GRIK1: variants seen among roughly 807,000 people sequenced by gnomAD.
GRIK1 encodes glutamate ionotropic receptor kainate type subunit 1.
GRIK1 carries 69 observed loss-of-function variants against 105.7 expected under a neutral mutation model. The ratio of observed to expected loss-of-function variants is 0.65; its 90% confidence interval spans 0.54 to 0.80. GRIK1 has a LOEUF of 0.80. GRIK1 is among the 30% of genes least tolerant of loss of function. The pLI is 0.00. For synonymous variants in GRIK1, 438 were observed against 431.3 expected (o/e 1.02, Z -0.19); for missense variants, 1,109 against 1,167.3 (o/e 0.95, Z 0.73).
chr21:29,908,136 T>C (rs1286115663), intron 1 of GRIK1, among the ~76,000 whole-genome samples: 1 of 152,144 alleles, frequency 6.6e-6, no homozygotes, highest in Non-Finnish European at 1.5e-5. Flanking sequence ...AGCTTTAACA[T>C]TTGTTATCCA....
At chr21:29,935,386 C>T (rs1353532329) in intron 1 of GRIK1, among the ~76,000 whole-genome samples, 3 of 152,066 alleles carry the variant, frequency 2.0e-5, no homozygotes, top group African/African-American at 7.3e-5. Context: ...CTAAGTGTGT[C>T]TGGCTCATGC....
At chr21:29,707,009 T>C (rs781238665) in intron 1 of GRIK1, among the ~76,000 whole-genome samples, 30 of 152,216 alleles carry the variant, frequency 2.0e-4, no homozygotes, top group Middle Eastern at 3.4e-3. Context: ...GGACTACAGG[T>C]GCCCGCCACC....
intron 1 of GRIK1, among the ~76,000 whole-genome samples, chr21:29,722,670 A>C (rs1192598398): frequency 6.6e-6 from 1 of 152,112 alleles, no homozygotes; most frequent in Non-Finnish European, 1.5e-5. Flanking sequence ...AAGATTTGAA[A>C]AATGAAAATA....
At chr21:29,821,729 G>A (rs2067312748) in intron 1 of GRIK1, among the ~76,000 whole-genome samples, 4 of 152,024 alleles carry the variant, frequency 2.6e-5, no homozygotes, top group Admixed American at 2.6e-4. Context: ...TGCAAATGGT[G>A]CCATGTATGG....
chr21:29,537,901 A>C lies in GRIK1; in HGVS notation c.2608-17T>G. ...CTTTCCTTTCTGATAAAAAAAAAAGAAAAAAAAACAATTTTAAATTGTACA... is the reference window on the plus strand; with the variant it reads ...CTTTCCTTTCTGATAAAAAAAAAAGCAAAAAAAACAATTTTAAATTGTACA... On this transcript the variant is annotated splice_polypyrimidine_tract_variant and intron_variant, in intron 16 of 17. Transcript: ENST00000327783. 2 of 1,078,702 alleles carry C rather than the reference A, an allele frequency of 1.9e-6. No homozygotes were observed. The highest frequency in any genetic ancestry group is 1.4e-6 in the Non-Finnish European group (1 of 715,702). 66.8% of individuals were successfully genotyped at this position (1,078,702 alleles called of 1,614,324 possible).
Position 29,561,944 on chromosome 21 carries a change from G to A in GRIK1, c.2131-95C>T. ...TCCCAATGGTTCAAATAATGATAGGGAGGATACTTTCTCCACAGGTGGGGG... is the reference window on the plus strand; with the variant it reads ...TCCCAATGGTTCAAATAATGATAGGAAGGATACTTTCTCCACAGGTGGGGG... On this transcript the variant is annotated intron_variant, in intron 14 of 17. Coordinates refer to ENST00000327783, the MANE Select transcript of GRIK1 (RefSeq NM_001330994.2). 4 of 716,920 alleles carry A rather than the reference G, an allele frequency of 5.6e-6. No individual in the cohort carries two copies. In the Admixed American group the frequency reaches 6.3e-5, roughly 11 times the overall value. 44.4% of individuals were successfully genotyped at this position (716,920 alleles called of 1,614,324 possible).
intron 1 of GRIK1, chr21:29,763,824 A>G (rs1325475858): frequency 6.6e-6 from 1 of 152,246 alleles, no homozygotes; most frequent in Non-Finnish European, 1.5e-5. Flanking sequence ...ATTAAGTTAT[A>G]CACAATTTGA....
intron 7 of GRIK1, among the ~76,000 whole-genome samples, chr21:29,611,020 A>T (rs1277525494): frequency 6.6e-6 from 1 of 152,224 alleles, no homozygotes; most frequent in East Asian, 1.9e-4. Context: ...TAATATGAAT[A>T]ATCTTTGGAA....
At chr21:29,578,878 T>C (rs2090954523) in intron 13 of GRIK1, among the ~76,000 whole-genome samples, 1 of 152,196 alleles carries the variant, frequency 6.6e-6, no homozygotes, top group Admixed American at 6.6e-5. Context: ...TAAAATACCA[T>C]TTATTTCATA....
At chr21:29,564,390 G>T (rs1195462861) in intron 14 of GRIK1, among the ~76,000 whole-genome samples, 1 of 152,138 alleles carries the variant, frequency 6.6e-6, no homozygotes, top group African/African-American at 2.4e-5. Flanking sequence ...CTCGTGATCC[G>T]CCCGCCTCGG....
chr21:29,763,424 A>G (rs1443280334), intron 1 of GRIK1, among the ~76,000 whole-genome samples: 1 of 152,216 alleles, frequency 6.6e-6, no homozygotes, highest in Non-Finnish European at 1.5e-5. Context: ...TACAGGGACT[A>G]AGCGTCACAA....
intron 16 of GRIK1, among the ~76,000 whole-genome samples, chr21:29,539,608 GCTA>G (rs1422156565): frequency 6.6e-6 from 1 of 152,138 alleles, no homozygotes; most frequent in Non-Finnish European, 1.5e-5. Flanking sequence ...CTTGTGTGTT[GCTA>G]CTAAGAGCAA....
At chr21:29,581,326 G>A in intron 13 of GRIK1, 99 bp downstream of exon 13, 2 of 754,648 alleles carry the variant, frequency 2.7e-6, no homozygotes, top group Non-Finnish European at 4.7e-6. Context: ...CTGAGATGGT[G>A]TTTCATCCTA....
chr21:29,845,454 G>C (rs755891866), intron 1 of GRIK1, among the ~76,000 whole-genome samples: 11 of 151,964 alleles, frequency 7.2e-5, no homozygotes, highest in Non-Finnish European at 1.6e-4. Context: ...TGTTAATCCT[G>C]CGTTGGTTAC....
At chr21:29,541,781 A>G (rs755354770) in intron 16 of GRIK1, among the ~76,000 whole-genome samples, 13 of 149,288 alleles carry the variant, frequency 8.7e-5, no homozygotes, top group Non-Finnish European at 1.5e-4. Flanking sequence ...TTCTGTGTCT[A>G]TGTAGTTGTA....
chr21:29,718,071 T>C (rs2064222611), intron 1 of GRIK1, among the ~76,000 whole-genome samples: 1 of 152,172 alleles, frequency 6.6e-6, no homozygotes, highest in Non-Finnish European at 1.5e-5. Context: ...TGAAGAAGGA[T>C]GTGTTTGCTG....
chr21:29,625,266 A>G (rs1381117210), intron 7 of GRIK1, among the ~76,000 whole-genome samples: 1 of 152,220 alleles, frequency 6.6e-6, no homozygotes, highest in Non-Finnish European at 1.5e-5. Flanking sequence ...TCAAACTTGC[A>G]TAAGATCATC....
At chr21:29,908,674 A>C (rs139925048) in intron 1 of GRIK1, among the ~76,000 whole-genome samples, 77 of 152,306 alleles carry the variant, frequency 5.1e-4, no homozygotes, top group African/African-American at 1.8e-3. Context: ...TGTAATATAA[A>C]ATAAAGTATA....
At chr21:29,861,678 T>C in intron 1 of GRIK1, 1 of 457,650 alleles carries the variant, frequency 2.2e-6, no homozygotes, top group South Asian at 1.6e-5. Context: ...GAATGAATAT[T>C]GGGTTTTGCC....
Sources: allele counts gnomAD v4.1 joint callset (sites outside exome capture counted in the v4.1 genomes callset), GRCh38; gene constraint gnomAD v4.1.1; transcripts MANE v1.5; gene names NCBI Gene and HGNC (gene_info 2026-07-23, HGNC 2026-07-21).